Variants in LRCH3 observed in about 807,000 individuals in gnomAD.
The protein encoded by LRCH3 is DISP complex protein LRCH3.
In LRCH3, 68 loss-of-function variants were observed where a neutral mutation model predicts 104.5. That is an observed-to-expected ratio of 0.65 (90% CI 0.54 to 0.80). The LOEUF (loss-of-function observed/expected upper bound fraction) is 0.80. LRCH3 is among the 30% of genes least tolerant of loss of function. LRCH3 has a pLI of 0.00. For missense variants in LRCH3, 951 were observed against 953.9 expected, an observed-to-expected ratio of 1.00 and a Z score of 0.04; for synonymous variants, 344 against 361.3, an observed-to-expected ratio of 0.95 and a Z score of 0.54.
At position 197,886,247 on chromosome 3, in the gene LRCH3, G is replaced by A. The variant is rs550903881; in HGVS notation, c.*2581G>A. The A allele has an allele frequency of 6.6e-6, 1 of 151,978 alleles. No homozygotes were observed. Among genetic ancestry groups the A allele is most frequent in the African/African-American group, 2.4e-5 (1 of 41,344 alleles). The allele number at this position is 151,978 out of a possible 1,614,324, so 9.4% of individuals were successfully genotyped here. ...GTACTCCCAGCTACTCAGGAGGCTG[G>A]GGTGGGAGGATCACTTGAGCCTGGG... On this transcript the variant is annotated 3_prime_UTR_variant, in exon 21 of 21. Coordinates refer to ENST00000425562, the MANE Select transcript of LRCH3 (RefSeq NM_001365715.1).
chr3:197,866,127 C>T lies in LRCH3; in HGVS notation c.1781C>T (p.Ala594Val), dbSNP rs747828697. The stretch of plus-strand genomic sequence containing the variant: ...GCTAATTTAGTTCATCATTCCCCTG[C>T]ATATTCTTTTCCTGCTGCTATCCAG... Reference protein sequence around the residue: ...PATETVHHSPAYSFPAAIQRN... With the variant: ...PATETVHHSPVYSFPAAIQRN... Residue 594 changes from alanine to valine, a missense_variant, in exon 17 of 21, where the codon GCA becomes GTA. Physicochemically the swap from Ala to Val is moderately conservative, Grantham distance 64. Coordinates refer to ENST00000425562, the MANE Select transcript of LRCH3 (RefSeq NM_001365715.1). 36 of 1,612,762 alleles carry T rather than the reference C, an allele frequency of 2.2e-5. No individual in the cohort carries two copies. The East Asian group carries it at 7.8e-4, about 35-fold the overall frequency.
chr3:197,815,288 C>G (rs975921997), intron 2 of LRCH3, among the ~76,000 whole-genome samples: 2 of 152,110 alleles, frequency 1.3e-5, no homozygotes, highest in South Asian at 4.1e-4. Context: ...CCCAGTAAAC[C>G]CATCTAAGTT....
At chr3:197,874,555 T>TA in intron 19 of LRCH3, among the ~76,000 whole-genome samples, 1 of 152,272 alleles carries the variant, frequency 6.6e-6, no homozygotes, top group South Asian at 2.1e-4. Context: ...AGAAATAAAA[T>TA]ACACAATAAA....
At chr3:197,847,812 A>T in intron 11 of LRCH3, 60 bp from the exon 12 acceptor site, 1 of 1,570,654 alleles carries the variant, frequency 6.4e-7, no homozygotes, top group Non-Finnish European at 8.7e-7. Flanking sequence ...ATTGATAGGG[A>T]ATATTGGTAA....
chr3:197,832,510 G>A (rs1012801911), intron 8 of LRCH3, among the ~76,000 whole-genome samples, 193 bp downstream of exon 8: 15 of 152,146 alleles, frequency 9.9e-5, no homozygotes, highest in Non-Finnish European at 1.6e-4. Flanking sequence ...TTCAGTCAGA[G>A]TTAAAATACA....
At chr3:197,829,934 T>C (rs1735704486) in intron 6 of LRCH3, among the ~76,000 whole-genome samples, 1 of 152,192 alleles carries the variant, frequency 6.6e-6, no homozygotes, top group Non-Finnish European at 1.5e-5. Context: ...TGTAAGACAT[T>C]TACCAGCATC....
At chr3:197,833,023 G>T (rs1736169188) in intron 8 of LRCH3, among the ~76,000 whole-genome samples, 2 of 151,918 alleles carry the variant, frequency 1.3e-5, no homozygotes, top group South Asian at 4.1e-4. Context: ...TCAATTAAAT[G>T]GTTTGCTGTC....
At chr3:197,809,831 C>T (rs1304182322) in intron 1 of LRCH3, among the ~76,000 whole-genome samples, 4 of 152,078 alleles carry the variant, frequency 2.6e-5, no homozygotes, top group South Asian at 2.1e-4. Context: ...TGTAATTGCT[C>T]TCTGAAGCAT....
chr3:197,871,268 T>C, intron 18 of LRCH3, 57 bp from the exon 19 acceptor site: 1 of 1,314,410 alleles, frequency 7.6e-7, no homozygotes, highest in East Asian at 2.3e-5. Context: ...AACTCCCTTA[T>C]GTCCTATATG....
intron 12 of LRCH3, among the ~76,000 whole-genome samples, chr3:197,851,112 GA>G (rs1405357486): frequency 6.6e-6 from 1 of 152,164 alleles, no homozygotes; most frequent in Non-Finnish European, 1.5e-5. Flanking sequence ...GGTTGGCTCT[GA>G]AGCCTATTCT....
intron 20 of LRCH3, among the ~76,000 whole-genome samples, chr3:197,879,296 G>A (rs1273334649): frequency 6.6e-6 from 1 of 152,178 alleles, no homozygotes; most frequent in African/African-American, 2.4e-5. Flanking sequence ...GATCTCTGAG[G>A]CCCTTAACAG....
intron 1 of LRCH3, among the ~76,000 whole-genome samples, chr3:197,811,877 T>A (rs1028114632): frequency 2.6e-5 from 4 of 152,214 alleles, no homozygotes; most frequent in Non-Finnish European, 1.5e-5. Flanking sequence ...CTGTAATTTG[T>A]GTATTATTCA....
chr3:197,834,138 A>G (rs911125797), intron 8 of LRCH3, among the ~76,000 whole-genome samples: 9 of 152,204 alleles, frequency 5.9e-5, no homozygotes, highest in African/African-American at 2.2e-4. Flanking sequence ...TCATGAAGTA[A>G]CAGGTTGTGG....
intron 1 of LRCH3, among the ~76,000 whole-genome samples, chr3:197,799,418 A>G (rs940005435): frequency 1.3e-5 from 2 of 152,228 alleles, no homozygotes; most frequent in African/African-American, 4.8e-5. Context: ...AACTAGTAGT[A>G]AAAATGTAAA....
Position 197,856,571 on chromosome 3 carries a change from G to T in LRCH3, c.1644+2126G>T, listed in dbSNP as rs1237948745. On this transcript the variant is annotated intron_variant, in intron 14 of 20. Transcript: ENST00000425562. This position sits in a 1 kb window ranked among gnomAD's most constrained non-coding sequence, Gnocchi z 4.2. ...TGGCTAATTTTTTTATTTTTTTGTA[G>T]AGTCAGGGTCTCACTGTGTTGCCCA... 6.6e-6 allele frequency among the ~76,000 whole-genome samples: 1 copy of T among 151,776 alleles called. No individual in the cohort carries two copies. The highest frequency in any genetic ancestry group is 1.5e-5 in the Non-Finnish European group (1 of 67,956).
chr3:197,881,824 G>C, intron 20 of LRCH3: 1 of 985,400 alleles, frequency 1.0e-6, no homozygotes, highest in Non-Finnish European at 1.2e-6. Flanking sequence ...AATTCAGCCT[G>C]AGGGAGGAGC....
chr3:197,861,118 G>A (rs1037114574), intron 15 of LRCH3, among the ~76,000 whole-genome samples: 5 of 151,914 alleles, frequency 3.3e-5, no homozygotes, highest in African/African-American at 9.7e-5. Flanking sequence ...GATTACAGGT[G>A]CCCACCACCA....
At chr3:197,815,842 T>G (rs1340881802) in intron 2 of LRCH3, among the ~76,000 whole-genome samples, 1 of 152,160 alleles carries the variant, frequency 6.6e-6, no homozygotes, top group Non-Finnish European at 1.5e-5. Flanking sequence ...TGTGGAAAAA[T>G]ATAAAGGAAA....
rs905936801 is a variant in LRCH3 at position 197,866,462 on chromosome 3, C to T, written c.1873+243C>T. Among the ~76,000 whole-genome samples the T allele has an allele frequency of 1.3e-4, 20 of 152,168 alleles. 1 individual carries two copies. The highest frequency in any genetic ancestry group is 5.8e-4 in the East Asian group (3 of 5,202). ...ATAGAGTGTTTGAACAAATAAAATG[C>T]GCTTTCGAGGCTTTAGAGAATGTTC... On this transcript the variant is annotated intron_variant, in intron 17 of 20. Coordinates refer to ENST00000425562, the MANE Select transcript of LRCH3 (RefSeq NM_001365715.1).
Sources: allele counts gnomAD v4.1 joint callset (sites outside exome capture counted in the v4.1 genomes callset), GRCh38; gene constraint gnomAD v4.1.1; non-coding constraint Gnocchi (gnomAD v3.1); transcripts MANE v1.5; gene names NCBI Gene and HGNC (gene_info 2026-07-23, HGNC 2026-07-21).